The following GPBP1L1 variants were observed in gnomAD, a reference collection of about 807,000 sequenced individuals.
The protein encoded by GPBP1L1 is vasculin-like protein 1.
GPBP1L1 carries 23 observed loss-of-function variants against 52.5 expected under a neutral mutation model. The ratio of observed to expected loss-of-function variants is 0.44; its 90% confidence interval spans 0.32 to 0.62. GPBP1L1 has a LOEUF of 0.62. GPBP1L1 is among the 20% of genes least tolerant of loss of function. The pLI, the probability that GPBP1L1 is intolerant of heterozygous loss-of-function variation, is 0.06. For missense variants in GPBP1L1, 596 were observed against 579.3 expected (o/e 1.03, Z -0.30); for synonymous variants, 243 against 203.1 (o/e 1.20, Z -1.67).
chr1:45,636,643 C>G (rs2148429307), intron 8 of GPBP1L1, among the ~76,000 whole-genome samples: 1 of 152,322 alleles, frequency 6.6e-6, no homozygotes, highest in African/African-American at 2.4e-5. Flanking sequence ...TACTGTACTA[C>G]TGTTTTTAAA....
rs1464625651 is a variant in GPBP1L1, at chr1:45,660,221, G to C, written c.-93C>G. Reference sequence around the variant, plus strand: ...CCTCTGTGGTCCTGTTTCTGAACTCGAGTCGGCCAGCTGGATCTCCCACAA... The same window carrying C: ...CCTCTGTGGTCCTGTTTCTGAACTCCAGTCGGCCAGCTGGATCTCCCACAA... On this transcript the variant is annotated 5_prime_UTR_variant, in exon 3 of 13. Transcript: ENST00000355105. The C allele has an allele frequency of 3.0e-6, 3 of 985,060 alleles. No homozygotes were observed. The highest frequency in any genetic ancestry group is 3.5e-5 in the African/African-American group (2 of 57,146). 61.0% of individuals were successfully genotyped at this position (985,060 alleles called of 1,614,324 possible).
chr1:45,659,164 T>C, intron 3 of GPBP1L1, 22 bp from the exon 4 acceptor site: 1 of 1,364,298 alleles, frequency 7.3e-7, no homozygotes, highest in South Asian at 1.2e-5. Flanking sequence ...ACAATTCAAA[T>C]CACTTATGTT....
intron 2 of GPBP1L1, among the ~76,000 whole-genome samples, chr1:45,674,622 C>T (rs943665947): frequency 6.6e-6 from 1 of 152,184 alleles, no homozygotes; most frequent in African/African-American, 2.4e-5. Flanking sequence ...GCTAGCAATA[C>T]GCAGTACAAT....
intron 5 of GPBP1L1, 98 bp from the exon 6 acceptor site, chr1:45,654,927 T>C: frequency 8.1e-7 from 1 of 1,228,982 alleles, no homozygotes; most frequent in Non-Finnish European, 1.1e-6. Flanking sequence ...TAATAAAAAG[T>C]CCACACAAAA....
chr1:45,685,420 C>T (rs184268846), intron 2 of GPBP1L1, among the ~76,000 whole-genome samples, 156 bp downstream of exon 2: 1 of 152,256 alleles, frequency 6.6e-6, no homozygotes, highest in East Asian at 1.9e-4. Flanking sequence ...AATATTTCAA[C>T]AAATATGACA....
At position 45,628,067 on chromosome 1, in the gene GPBP1L1, AAAGC is replaced by A. The variant is rs562233813; in HGVS notation, c.*185_*188del. ...TCCCACCACACAAACTTCTCTCTAT[AAAGC>A]AGATAACAGGGAAGAACAATAACAA... On this transcript the variant is annotated 3_prime_UTR_variant, in exon 13 of 13. Transcript: ENST00000355105. 1 of 602,844 alleles carries A rather than the reference AAAGC, an allele frequency of 1.7e-6. No individual in the cohort carries two copies. The highest frequency in any genetic ancestry group is 2.0e-5 in the South Asian group (1 of 50,608). 37.3% of individuals were successfully genotyped at this position (602,844 alleles called of 1,614,324 possible).
Position 45,659,133 on chromosome 1 carries a change from T to C in GPBP1L1, c.-46A>G, listed in dbSNP as rs1486759118. 5 of 1,601,932 alleles carry C rather than the reference T, an allele frequency of 3.1e-6. No individual in the cohort carries two copies. The highest frequency in any genetic ancestry group is 1.1e-5 in the South Asian group (1 of 90,638). On this transcript the variant is annotated 5_prime_UTR_variant, in exon 4 of 13. An upstream start codon of the reference 5' UTR is lost. Coordinates refer to ENST00000355105, the MANE Select transcript of GPBP1L1 (RefSeq NM_021639.5). ...CAGTAAGGTGAGGCATCCAACCTCATGGCCAGGATCTGAAAACAAAACAAT... is the reference window on the plus strand; with the variant it reads ...CAGTAAGGTGAGGCATCCAACCTCACGGCCAGGATCTGAAAACAAAACAAT...
At chr1:45,645,863 C>A in intron 6 of GPBP1L1, 1 of 506,246 alleles carries the variant, frequency 2.0e-6, no homozygotes, top group Admixed American at 2.1e-5. Flanking sequence ...TTTCGTCTTG[C>A]TTCTTCATGG....
intron 10 of GPBP1L1, 39 bp downstream of exon 10, chr1:45,633,450 A>T: frequency 1.2e-6 from 2 of 1,603,660 alleles, no homozygotes; most frequent in Non-Finnish European, 1.7e-6. Flanking sequence ...ATCAAAGGAA[A>T]ATTCCTAGGC....
At position 45,640,252 on chromosome 1, in the gene GPBP1L1, G is replaced by C; in HGVS notation, c.702C>G (p.Val234=). The change falls in exon 8 of 13, where the codon GTC becomes GTG. Residue 234 remains valine, a synonymous_variant. Transcript: ENST00000355105. ...CAGGCTTAGGAACCAGGTTCTTATA[G>C]ACACTTGGAACCACGGATGACAATT... is the stretch of plus-strand genomic sequence containing the variant. ...GNKLSSVVPS[V]YKNLVPKPVP... 6.2e-7 allele frequency: 1 copy of C among 1,614,164 alleles called. No individual in the cohort carries two copies. Among genetic ancestry groups the C allele is most frequent in the Non-Finnish European group, 8.5e-7 (1 of 1,180,000 alleles).
chr1:45,671,084 G>A (rs111837990), intron 2 of GPBP1L1, among the ~76,000 whole-genome samples: 44 of 151,264 alleles, frequency 2.9e-4, no homozygotes, highest in African/African-American at 9.5e-4. Context: ...GTGAGCCACC[G>A]CGCCCGGACT....
chr1:45,680,955 A>T (rs1283260820), intron 2 of GPBP1L1, among the ~76,000 whole-genome samples: 3 of 152,234 alleles, frequency 2.0e-5, no homozygotes, highest in East Asian at 1.9e-4. Context: ...ATGCTGAGAC[A>T]ACTATTCATT....
At chr1:45,630,379 T>C in intron 11 of GPBP1L1, 103 bp downstream of exon 11, 1 of 1,359,710 alleles carries the variant, frequency 7.4e-7, no homozygotes, top group East Asian at 2.3e-5. Flanking sequence ...CTGGGCCACT[T>C]CTCTCTGCAT....
chr1:45,656,298 C>A (rs1569833068), intron 4 of GPBP1L1: 1 of 152,218 alleles, frequency 6.6e-6, no homozygotes, highest in Non-Finnish European at 1.5e-5. Context: ...TATTCTATGA[C>A]ATTCTTAAAT....
intron 2 of GPBP1L1, among the ~76,000 whole-genome samples, chr1:45,669,657 A>T (rs796282514): frequency 2.2e-4 from 34 of 151,916 alleles, no homozygotes; most frequent in African/African-American, 7.5e-4. Context: ...GAAAATGACT[A>T]AGTAACATGA....
chr1:45,680,222 A>G (rs1645195591), intron 2 of GPBP1L1, among the ~76,000 whole-genome samples: 1 of 150,926 alleles, frequency 6.6e-6, no homozygotes, highest in Admixed American at 6.6e-5. Context: ...AGTGACTAAC[A>G]GATTGAGACA....
chr1:45,642,087 G>C (rs1313503489), intron 7 of GPBP1L1, among the ~76,000 whole-genome samples: 1 of 152,062 alleles, frequency 6.6e-6, no homozygotes, highest in Non-Finnish European at 1.5e-5. Context: ...GCAGTGAGCT[G>C]AGATTGCGCC....
intron 7 of GPBP1L1, among the ~76,000 whole-genome samples, chr1:45,641,282 G>A (rs773271650): frequency 6.6e-6 from 1 of 152,078 alleles, no homozygotes; most frequent in Non-Finnish European, 1.5e-5. Context: ...AAGAAACCAG[G>A]AGAGTCCAAT....
chr1:45,641,121 T>A (rs902230576), intron 7 of GPBP1L1, among the ~76,000 whole-genome samples: 1 of 151,158 alleles, frequency 6.6e-6, no homozygotes, highest in Non-Finnish European at 1.5e-5. Flanking sequence ...CATGAAACCC[T>A]CTGATGAGGC....
Sources: allele counts gnomAD v4.1 joint callset (sites outside exome capture counted in the v4.1 genomes callset), GRCh38; gene constraint gnomAD v4.1.1; transcripts MANE v1.5; gene names NCBI Gene and HGNC (gene_info 2026-07-23, HGNC 2026-07-21).